SLC17A1: variants seen among roughly 807,000 people sequenced by gnomAD.
The protein encoded by SLC17A1 is sodium-dependent phosphate transport protein 1.
Under a neutral mutation model 53.5 loss-of-function variants are expected in SLC17A1, and 51 were observed. That is an observed-to-expected ratio of 0.95 (90% confidence interval 0.76 to 1.20). The LOEUF (loss-of-function observed/expected upper bound fraction) is 1.20, where lower values mean the gene tolerates loss of function less well. Ranked by LOEUF, SLC17A1 falls within the 50% of genes most tolerant of loss-of-function variation. SLC17A1 has a pLI of 0.00. For synonymous variants in SLC17A1, 179 were observed against 198.8 expected (o/e 0.90, Z 0.84); for missense variants, 538 against 568.2 (o/e 0.95, Z 0.54).
chr6:25,780,600 G>A (rs1384838545), downstream of SLC17A1: 2 of 152,232 alleles, frequency 1.3e-5, no homozygotes, highest in Non-Finnish European at 2.9e-5. Context: ...AAGAATTAAG[G>A]TCAGGAGCAC....
intron 10 of SLC17A1, among the ~76,000 whole-genome samples, chr6:25,805,000 A>G (rs911411399): frequency 1.3e-5 from 2 of 152,140 alleles, no homozygotes; most frequent in African/African-American, 4.8e-5. Flanking sequence ...CAACAAAGAA[A>G]CAATAAACTT....
the SLC17A1 span, chr6:25,726,166 G>A: frequency 6.4e-7 from 1 of 1,573,078 alleles, no homozygotes. Flanking sequence ...GTGACTCTCA[G>A]TCTTCTTGGG....
chr6:25,726,775 C>A, the SLC17A1 span: 5 of 1,185,386 alleles, frequency 4.2e-6, no homozygotes, highest in South Asian at 7.5e-5. Context: ...TCCTCCAGTT[C>A]TGTTTGTTTA....
intron 11 of SLC17A1, 66 bp from the exon 12 acceptor site, chr6:25,798,985 A>C: frequency 6.9e-7 from 1 of 1,439,452 alleles, no homozygotes; most frequent in Non-Finnish European, 9.4e-7. Context: ...GTAATGTTTA[A>C]AATGTAATAT....
intron 10 of SLC17A1, among the ~76,000 whole-genome samples, chr6:25,804,924 CA>C (rs1763903357): frequency 6.6e-6 from 1 of 151,980 alleles, no homozygotes; most frequent in Non-Finnish European, 1.5e-5. Context: ...TAGACAGCAA[CA>C]CAATAACAGT....
At chr6:25,764,666 C>G in the SLC17A1 span, among the ~76,000 whole-genome samples, 1 of 152,288 alleles carries the variant, frequency 6.6e-6, no homozygotes, top group South Asian at 2.1e-4. Flanking sequence ...TGCTCCTCAG[C>G]TTGGAGTGGC....
intron 3 of SLC17A1, among the ~76,000 whole-genome samples, chr6:25,823,910 C>T (rs1764650528): frequency 6.6e-6 from 1 of 151,858 alleles, no homozygotes; most frequent in Non-Finnish European, 1.5e-5. Context: ...ATTACTATAA[C>T]TCTGTGTAAG....
At chr6:25,738,377 T>C in the SLC17A1 span, among the ~76,000 whole-genome samples, 1 of 152,162 alleles carries the variant, frequency 6.6e-6, no homozygotes, top group Non-Finnish European at 1.5e-5. Context: ...GTATGTTGAC[T>C]TAAACCTTAC....
At chr6:25,760,867 T>A in the SLC17A1 span, among the ~76,000 whole-genome samples, 1 of 152,224 alleles carries the variant, frequency 6.6e-6, no homozygotes, top group Non-Finnish European at 1.5e-5. Context: ...TTTCTTCAAT[T>A]ATTTAAAGCA....
chr6:25,768,225 C>A, the SLC17A1 span: 2 of 248,584 alleles, frequency 8.0e-6, no homozygotes, highest in Non-Finnish European at 1.3e-5. Context: ...CATTACTACA[C>A]AAAATGAAAC....
chr6:25,763,362 C>CA, the SLC17A1 span, among the ~76,000 whole-genome samples: 2 of 152,192 alleles, frequency 1.3e-5, no homozygotes, highest in Non-Finnish European at 2.9e-5. Flanking sequence ...GCTACTCCTC[C>CA]AAGCCTTACC....
chr6:25,729,694 TA>T, the SLC17A1 span, among the ~76,000 whole-genome samples: 1 of 152,210 alleles, frequency 6.6e-6, no homozygotes, highest in Non-Finnish European at 1.5e-5. Flanking sequence ...TCCTATTCAT[TA>T]TTTTTTAACT....
chr6:25,801,982 A>C (rs1267076021), intron 10 of SLC17A1, among the ~76,000 whole-genome samples: 2 of 152,164 alleles, frequency 1.3e-5, no homozygotes, highest in Admixed American at 6.5e-5. Flanking sequence ...CTTGGAATGG[A>C]AACTATTAAT....
At chr6:25,808,127 T>A (rs1205225746) in intron 10 of SLC17A1, among the ~76,000 whole-genome samples, 1 of 152,140 alleles carries the variant, frequency 6.6e-6, no homozygotes, top group African/African-American at 2.4e-5. Context: ...TGCCAACATC[T>A]ATTATTATTT....
At chr6:25,788,522 G>A (rs1314763675) in intron 12 of SLC17A1, among the ~76,000 whole-genome samples, 1 of 152,200 alleles carries the variant, frequency 6.6e-6, no homozygotes, top group Non-Finnish European at 1.5e-5. Flanking sequence ...TCATGCAGGA[G>A]GACAGCCTGG....
At chr6:25,813,311 C>T in intron 6 of SLC17A1, 98 bp from the exon 7 acceptor site, 6 of 956,508 alleles carry the variant, frequency 6.3e-6, no homozygotes, top group Non-Finnish European at 8.2e-6. Flanking sequence ...AGAAACTGGA[C>T]CTCCTCTTTC....
chr6:25,748,637 C>T, the SLC17A1 span, among the ~76,000 whole-genome samples: 3 of 152,134 alleles, frequency 2.0e-5, no homozygotes, highest in Non-Finnish European at 2.9e-5. Flanking sequence ...GCACCGGCAC[C>T]GGTCTCTGAG....
intron 10 of SLC17A1, 103 bp from the exon 11 acceptor site, chr6:25,801,083 A>C: frequency 2.9e-6 from 2 of 701,408 alleles, no homozygotes; most frequent in Non-Finnish European, 2.5e-6. Context: ...CTCATTTTGC[A>C]AGTTCCTGCT....
At chr6:25,749,101 T>G in the SLC17A1 span, among the ~76,000 whole-genome samples, 10 of 152,182 alleles carry the variant, frequency 6.6e-5, no homozygotes, top group Non-Finnish European at 1.3e-4. Flanking sequence ...GTCTTTCTCA[T>G]CCCACGAGGC....
Sources: allele counts gnomAD v4.1 joint callset (sites outside exome capture counted in the v4.1 genomes callset), GRCh38; gene constraint gnomAD v4.1.1; transcripts MANE v1.5; gene names NCBI Gene and HGNC (gene_info 2026-07-23, HGNC 2026-07-21).